NRG3: variants seen among roughly 807,000 people sequenced by gnomAD.
NRG3 encodes the protein pro-neuregulin-3, membrane-bound isoform.
NRG3 carries 31 observed loss-of-function variants against 66.9 expected under a neutral mutation model. The ratio of observed to expected loss-of-function variants is 0.46; its 90% confidence interval spans 0.35 to 0.63. The LOEUF is 0.63. NRG3 is among the 20% of genes least tolerant of loss of function. The pLI is 0.00. For missense variants in NRG3, 910 were observed against 878.9 expected (o/e 1.04, Z -0.45); for synonymous variants, 393 against 359.4 (o/e 1.09, Z -1.06).
At chr10:82,929,212 A>T (rs2132139969) in intron 4 of NRG3, among the ~76,000 whole-genome samples, 1 of 152,276 alleles carries the variant, frequency 6.6e-6, no homozygotes, top group Non-Finnish European at 1.5e-5. Flanking sequence ...TAAGATGCTC[A>T]CATGCTAATG....
At chr10:82,935,876 CAA>C (rs200656889) in intron 4 of NRG3, among the ~76,000 whole-genome samples, 4 of 133,266 alleles carry the variant, frequency 3.0e-5, no homozygotes, top group Admixed American at 7.5e-5. Context: ...TAATACTGAG[CAA>C]AAAAAAAAAA....
intron 2 of NRG3, among the ~76,000 whole-genome samples, chr10:82,562,458 G>T (rs908911907): frequency 6.6e-6 from 1 of 152,088 alleles, no homozygotes; most frequent in African/African-American, 2.4e-5. Flanking sequence ...TAATCACTAT[G>T]ATATAAATAT....
chr10:82,593,313 T>G (rs2047088055), intron 2 of NRG3, among the ~76,000 whole-genome samples: 1 of 152,206 alleles, frequency 6.6e-6, no homozygotes, highest in Non-Finnish European at 1.5e-5. Flanking sequence ...CAGGTCACTG[T>G]TGGTCAGGAA....
chr10:82,715,857 G>GGGTACCTGTTGA (rs1442669014), intron 2 of NRG3, among the ~76,000 whole-genome samples: 2 of 151,904 alleles, frequency 1.3e-5, no homozygotes, highest in African/African-American at 4.8e-5. Context: ...ACCTGTTGAG[G>GGGTACCTGTTGA]GGCCTCCTCC....
At chr10:81,987,031 A>G (rs2060548122) in intron 1 of NRG3, among the ~76,000 whole-genome samples, 5 of 152,166 alleles carry the variant, frequency 3.3e-5, no homozygotes, top group Admixed American at 2.0e-4. Flanking sequence ...TAGCACATAT[A>G]ACTTTGAAAA....
chr10:82,030,630 C>A (rs2062523108), intron 1 of NRG3, among the ~76,000 whole-genome samples: 1 of 150,884 alleles, frequency 6.6e-6, no homozygotes, highest in Admixed American at 6.6e-5. Context: ...AGGATATGAT[C>A]AAGACTTGAT....
intron 4 of NRG3, among the ~76,000 whole-genome samples, chr10:82,943,816 G>GA (rs1467948447): frequency 2.2e-4 from 33 of 152,182 alleles, no homozygotes; most frequent in African/African-American, 7.5e-4. Flanking sequence ...ACACAGGGGG[G>GA]AAAAATTTTA....
At chr10:82,824,866 A>C (rs1320485530) in intron 3 of NRG3, among the ~76,000 whole-genome samples, 1 of 151,824 alleles carries the variant, frequency 6.6e-6, no homozygotes, top group Non-Finnish European at 1.5e-5. Flanking sequence ...ACAGGTGTGC[A>C]CGACCATGCC....
intron 2 of NRG3, among the ~76,000 whole-genome samples, chr10:82,717,388 AGCTTTTTTT>A (rs2057036989): frequency 1.5e-5 from 2 of 131,180 alleles, no homozygotes; most frequent in Admixed American, 9.8e-5. Context: ...GCATTGGAAA[AGCTTTTTTT>A]TTTTTTTTTT....
intron 1 of NRG3, among the ~76,000 whole-genome samples, chr10:82,118,366 A>C (rs7083421): frequency 0.017 from 2,534 of 152,112 alleles, 58 homozygotes; most frequent in African/African-American, 0.058. Context: ...TGATTTTTGT[A>C]TAAGTAAGAG....
chr10:82,122,280 T>C (rs986011119), intron 1 of NRG3, among the ~76,000 whole-genome samples: 1 of 152,212 alleles, frequency 6.6e-6, no homozygotes, highest in Admixed American at 6.5e-5. Flanking sequence ...ATCTTCTTCA[T>C]AGCAGTCAGA....
chr10:82,244,082 C>A (rs1007404925), intron 1 of NRG3, among the ~76,000 whole-genome samples: 2 of 152,088 alleles, frequency 1.3e-5, no homozygotes, highest in African/African-American at 2.4e-5. Flanking sequence ...AATTTAGAAT[C>A]CTATGTTCTT....
Position 82,928,187 on chromosome 10 carries a change from G to GT in NRG3, c.1055-23273dup, listed in dbSNP as rs960403679. Among the ~76,000 whole-genome samples, 200 of 150,746 alleles carry GT rather than the reference G, an allele frequency of 1.3e-3. 1 individual carries two copies. Among genetic ancestry groups the GT allele is most frequent in the South Asian group, 5.7e-3 (27 of 4,760 alleles). On this transcript the variant is annotated intron_variant, in intron 4 of 8. Transcript: ENST00000372141. The stretch of plus-strand genomic sequence containing the variant: ...ATATCCTTTGCCTACTTTTTGATGG[G>GT]TTTTTTTTTCTTGTAAATTTGTTTA...
intron 4 of NRG3, among the ~76,000 whole-genome samples, chr10:82,906,403 G>T (rs568865759): frequency 6.6e-6 from 1 of 152,188 alleles, no homozygotes; most frequent in African/African-American, 2.4e-5. Flanking sequence ...TGAACTTTGG[G>T]CTTTTATTAA....
intron 1 of NRG3, among the ~76,000 whole-genome samples, chr10:82,048,190 C>A: frequency 6.6e-6 from 1 of 152,070 alleles, no homozygotes; most frequent in South Asian, 2.1e-4. Context: ...GACAGATCAA[C>A]GAGACAGAAA....
chr10:82,207,504 C>T (rs936872076), intron 1 of NRG3, among the ~76,000 whole-genome samples: 1 of 152,062 alleles, frequency 6.6e-6, no homozygotes, highest in Non-Finnish European at 1.5e-5. Flanking sequence ...TATAATGGTG[C>T]CTAGCACTTA....
chr10:82,758,634 T>C (rs1229715723), intron 3 of NRG3, among the ~76,000 whole-genome samples: 3 of 152,074 alleles, frequency 2.0e-5, no homozygotes, highest in Non-Finnish European at 2.9e-5. Flanking sequence ...ATAGATTGCC[T>C]ACCCCTCACC....
chr10:82,855,867 A>G (rs540090738), intron 3 of NRG3, among the ~76,000 whole-genome samples: 17 of 152,238 alleles, frequency 1.1e-4, no homozygotes, highest in African/African-American at 4.1e-4. Context: ...AAAATTTAAT[A>G]TTTTTTCTGA....
At chr10:81,917,827 C>T (rs1845854222) in intron 1 of NRG3, among the ~76,000 whole-genome samples, 8 of 152,152 alleles carry the variant, frequency 5.3e-5, no homozygotes, top group Admixed American at 5.2e-4. Flanking sequence ...GAGCATTGGG[C>T]ACTGCAGGAA....
Sources: gnomAD v4.1 joint callset for allele counts (sites outside exome capture counted in the v4.1 genomes callset) on GRCh38, gnomAD v4.1.1 for gene constraint, MANE v1.5 for transcripts, NCBI Gene and HGNC (gene_info 2026-07-23, HGNC 2026-07-21) for gene names.